The following SPAG16 variants were observed in gnomAD, a reference collection of about 807,000 sequenced individuals.
SPAG16 encodes sperm associated antigen 16, also known as sperm-associated antigen 16 protein.
Under a neutral mutation model 80.4 loss-of-function variants are expected in SPAG16, and 86 were observed. The ratio of observed to expected loss-of-function variants is 1.07; its 90% confidence interval spans 0.90 to 1.28. The LOEUF (loss-of-function observed/expected upper bound fraction) is 1.28, where lower values mean the gene tolerates loss of function less well. Ranked by LOEUF, SPAG16 falls within the 50% of genes most tolerant of loss-of-function variation. The pLI, the probability that SPAG16 is intolerant of heterozygous loss-of-function variation, is 0.00. For synonymous variants in SPAG16, 294 were observed against 265.9 expected, an observed-to-expected ratio of 1.11 and a Z score of -1.03; for missense variants, 870 against 765.3, an observed-to-expected ratio of 1.14 and a Z score of -1.61.
rs549442106 is a variant in SPAG16 at position 213,289,272 on chromosome 2, T to C, written c.136+4653T>C. Among the ~76,000 whole-genome samples, 8 of 152,368 alleles carry C rather than the reference T, an allele frequency of 5.3e-5. No individual in the cohort carries two copies. In the South Asian group the frequency reaches 1.7e-3, roughly 32 times the overall value. The stretch of plus-strand genomic sequence containing the variant: ...AAATATCACATGTGGAGTCCATATC[T>C]TTGGATCTCCTGGCTTAGAAGTTGG... On this transcript the variant is annotated intron_variant, in intron 1 of 15. Coordinates refer to ENST00000331683, the MANE Select transcript of SPAG16 (RefSeq NM_024532.5).
intron 10 of SPAG16, among the ~76,000 whole-genome samples, chr2:213,537,901 C>T (rs1363664950): frequency 1.3e-5 from 2 of 152,170 alleles, no homozygotes; most frequent in African/African-American, 2.4e-5. Context: ...CTCAAGCTTA[C>T]TCTTATTTCC....
chr2:214,389,742 G>T (rs1196332589), intron 15 of SPAG16, among the ~76,000 whole-genome samples: 2 of 152,138 alleles, frequency 1.3e-5, no homozygotes, highest in East Asian at 1.9e-4. Context: ...CCAATTTTTT[G>T]AATCCATTTT....
intron 15 of SPAG16, among the ~76,000 whole-genome samples, chr2:214,288,331 G>A (rs1045453634): frequency 2.0e-5 from 3 of 151,992 alleles, no homozygotes; most frequent in African/African-American, 7.3e-5. Flanking sequence ...TATATTAATG[G>A]ACAATTATGT....
rs1267315392 is a variant in SPAG16, at chr2:213,375,080, AC to A, written c.904del (p.Gln302LysfsTer8). The A allele has an allele frequency of 6.2e-7, 1 of 1,609,326 alleles. No homozygotes were observed. The highest frequency in any genetic ancestry group is 1.3e-5 in the African/African-American group (1 of 74,574). ...TQKGLREARE[Q>X]NKCKTKMKGN... is the part of the protein sequence containing the mutation. ...AGAAAGGTCTTCGTGAAGCCAGGGA[AC>A]AAAACAAATGTAAAACAAAGATGAA... On this transcript the variant is annotated frameshift_variant, in exon 9 of 16. Transcript: ENST00000331683. LOFTEE classifies it high-confidence loss of function.
chr2:213,498,644 G>T (rs1457695980), intron 10 of SPAG16, among the ~76,000 whole-genome samples: 2 of 152,030 alleles, frequency 1.3e-5, no homozygotes, highest in African/African-American at 4.8e-5. Flanking sequence ...TGCATGTCTT[G>T]TGAGCACCTC....
intron 10 of SPAG16, among the ~76,000 whole-genome samples, chr2:213,535,587 A>G (rs2076215241): frequency 6.6e-6 from 1 of 152,130 alleles, no homozygotes; most frequent in African/African-American, 2.4e-5. Flanking sequence ...TGTATTTTGT[A>G]TATAATCTAT....
At chr2:213,690,891 A>G (rs2064913681) in intron 10 of SPAG16, among the ~76,000 whole-genome samples, 1 of 152,164 alleles carries the variant, frequency 6.6e-6, no homozygotes, top group African/African-American at 2.4e-5. Flanking sequence ...TGAGGCATTC[A>G]GATTTAAACT....
At chr2:214,303,676 T>A (rs34381468) in intron 15 of SPAG16, among the ~76,000 whole-genome samples, 3 of 152,170 alleles carry the variant, frequency 2.0e-5, no homozygotes, top group Non-Finnish European at 2.9e-5. Flanking sequence ...CCTAGCAAGA[T>A]CCGATAAATT....
chr2:213,721,213 C>T (rs1314937532), intron 10 of SPAG16, among the ~76,000 whole-genome samples: 6 of 152,126 alleles, frequency 3.9e-5, no homozygotes, highest in Non-Finnish European at 8.8e-5. Context: ...TGCCTCTTGC[C>T]TCAGCCTCCC....
chr2:213,781,957 C>T (rs1834768), intron 10 of SPAG16, among the ~76,000 whole-genome samples: 140,383 of 152,234 alleles, frequency 0.92, 65,796 homozygotes, highest in East Asian at 1. Context: ...AATAGAGGCA[C>T]GTTTTCTATA....
intron 9 of SPAG16, among the ~76,000 whole-genome samples, chr2:213,485,852 C>T (rs982846449): frequency 1.3e-5 from 2 of 152,004 alleles, no homozygotes; most frequent in Non-Finnish European, 2.9e-5. Flanking sequence ...TCAAGGGACT[C>T]ATGGGGAAAG....
intron 13 of SPAG16, among the ~76,000 whole-genome samples, chr2:214,104,422 G>A (rs1465014120): frequency 6.6e-6 from 1 of 152,064 alleles, no homozygotes; most frequent in Non-Finnish European, 1.5e-5. Flanking sequence ...CTGGGAGTGG[G>A]GTGGAGTGGG....
intron 8 of SPAG16, chr2:213,364,576 A>T (rs1482533072): frequency 6.5e-6 from 1 of 153,126 alleles, no homozygotes; most frequent in African/African-American, 2.4e-5. Flanking sequence ...TGGAGATGGA[A>T]GCCAATAAGA....
intron 15 of SPAG16, among the ~76,000 whole-genome samples, chr2:214,303,171 TTAGC>T (rs1443911258): frequency 1.3e-5 from 2 of 152,250 alleles, no homozygotes; most frequent in East Asian, 3.9e-4. Context: ...CATAATATTG[TTAGC>T]TAGTTGCTTT....
intron 15 of SPAG16, among the ~76,000 whole-genome samples, chr2:214,193,425 AT>A (rs2057726508): frequency 2.0e-4 from 17 of 83,580 alleles, no homozygotes; most frequent in African/African-American, 8.6e-4. Context: ...GTGTGTGTGT[AT>A]GAGAGAGAGA....
intron 15 of SPAG16, among the ~76,000 whole-genome samples, chr2:214,269,518 CTA>C (rs1371744028): frequency 6.6e-6 from 1 of 151,944 alleles, no homozygotes; most frequent in African/African-American, 2.4e-5. Context: ...AGTGAAATGT[CTA>C]TCTTTTCTGA....
chr2:213,795,445 A>G (rs776825741), intron 10 of SPAG16, among the ~76,000 whole-genome samples: 1 of 152,196 alleles, frequency 6.6e-6, no homozygotes, highest in Non-Finnish European at 1.5e-5. Flanking sequence ...ACATTTTTCT[A>G]CTTAGCATCA....
chr2:213,415,458 A>G (rs558912518), intron 9 of SPAG16, among the ~76,000 whole-genome samples: 1 of 152,290 alleles, frequency 6.6e-6, no homozygotes, highest in Non-Finnish European at 1.5e-5. Flanking sequence ...ACAAAACTGG[A>G]CTCAATGATG....
chr2:214,341,901 T>G (rs1175329969), intron 15 of SPAG16, among the ~76,000 whole-genome samples: 1 of 152,016 alleles, frequency 6.6e-6, no homozygotes, highest in Non-Finnish European at 1.5e-5. Flanking sequence ...AGAGAACAAG[T>G]TCCAAGGTCT....
Sources: gnomAD v4.1 joint callset for allele counts (sites outside exome capture counted in the v4.1 genomes callset) on GRCh38, gnomAD v4.1.1 for gene constraint, MANE v1.5 for transcripts, NCBI Gene and HGNC (gene_info 2026-07-23, HGNC 2026-07-21) for gene names.